The following TDP2 variants were observed in gnomAD, a reference collection of about 807,000 sequenced individuals.
The protein encoded by TDP2 is 5'-Tyr-DNA phosphodiesterase.
A neutral mutation model predicts 42.8 loss-of-function variants in TDP2; 38 were observed. That is an observed-to-expected ratio of 0.89 (90% CI 0.68 to 1.16). TDP2 has a LOEUF of 1.16. Among genes scored for constraint, TDP2 ranks in the 50% most tolerant of loss-of-function variants. The probability of loss-of-function intolerance (pLI) is 0.00; values close to 1 mark genes in which losing one functional copy is unlikely to be tolerated. For missense variants in TDP2, 439 were observed against 439.3 expected, an observed-to-expected ratio of 1.00 and a Z score of 0.01; for synonymous variants, 173 against 150.6, an observed-to-expected ratio of 1.15 and a Z score of -1.09.
chr6:24,658,941 T>C (rs765795941), intron 2 of TDP2: 51 of 567,226 alleles, frequency 9.0e-5, no homozygotes, highest in Non-Finnish European at 1.3e-4. Flanking sequence ...GGCCCACTTC[T>C]TTGTACGGAA....
intron 2 of TDP2, 91 bp downstream of exon 2, chr6:24,666,435 C>A (rs980346353): frequency 2.0e-6 from 3 of 1,484,206 alleles, no homozygotes; most frequent in East Asian, 2.3e-5. Flanking sequence ...GCATCGTCCG[C>A]CCAGCTCCAC....
intron 2 of TDP2, among the ~76,000 whole-genome samples, chr6:24,665,818 G>C (rs893102778): frequency 2.0e-5 from 3 of 152,164 alleles, no homozygotes; most frequent in African/African-American, 7.2e-5. Context: ...GCTTCCTAGA[G>C]ATAAATCATG....
intron 2 of TDP2, among the ~76,000 whole-genome samples, chr6:24,663,241 T>C (rs1778182848): frequency 6.6e-6 from 1 of 152,064 alleles, no homozygotes; most frequent in Non-Finnish European, 1.5e-5. Context: ...GAGGAAGGGG[T>C]TGCACAGATA....
intron 2 of TDP2, among the ~76,000 whole-genome samples, chr6:24,663,087 A>G (rs938720333): frequency 6.6e-6 from 1 of 152,284 alleles, no homozygotes; most frequent in Admixed American, 6.5e-5. Context: ...TACTTTCCTC[A>G]ACAGGTGGAC....
chr6:24,659,758 G>T (rs1778112666), intron 2 of TDP2, among the ~76,000 whole-genome samples: 1 of 152,092 alleles, frequency 6.6e-6, no homozygotes, highest in Non-Finnish European at 1.5e-5. Flanking sequence ...CCTCCCCTTT[G>T]AATCCAGACC....
intron 3 of TDP2, 118 bp downstream of exon 3, chr6:24,658,443 T>A: frequency 1.3e-6 from 1 of 743,366 alleles, no homozygotes; most frequent in Admixed American, 3.7e-5. Context: ...ATTCTTCAGA[T>A]GTTTCTTCTC....
rs1777999369 is a variant in TDP2, at chr6:24,653,076, C to A, written c.714G>T (p.Met238Ile). 6.2e-7 allele frequency: 1 copy of A among 1,614,014 alleles called. No individual in the cohort carries two copies. The highest frequency in any genetic ancestry group is 1.1e-5 in the South Asian group (1 of 91,084). Reference sequence around the variant, plus strand: ...TCTTTAAAACCATTTTTAACTGATTCATTCGTTCCGCAGCATGCCCTCTGG... The same window carrying A: ...TCTTTAAAACCATTTTTAACTGATTAATTCGTTCCGCAGCATGCCCTCTGG... ...ESTRGHAAER[M>I]NQLKMVLKKM... Residue 238 changes from methionine to isoleucine, a missense_variant, in exon 6 of 7, where the codon ATG becomes ATT. By Grantham distance (10) the Met-to-Ile change is conservative. Transcript: ENST00000378198.
chr6:24,665,604 T>C (rs1185060624), intron 2 of TDP2, among the ~76,000 whole-genome samples: 1 of 152,222 alleles, frequency 6.6e-6, no homozygotes, highest in African/African-American at 2.4e-5. Flanking sequence ...TGGGAGCTTA[T>C]TATGTGTCAA....
At chr6:24,659,425 G>A (rs1006996791) in intron 2 of TDP2, among the ~76,000 whole-genome samples, 2 of 152,198 alleles carry the variant, frequency 1.3e-5, no homozygotes, top group African/African-American at 4.8e-5. Context: ...TGTGTCATGG[G>A]TGCGTCCTTA....
At chr6:24,653,296 G>C (rs926430493) in intron 5 of TDP2, 143 bp from the exon 6 acceptor site, 5 of 874,546 alleles carry the variant, frequency 5.7e-6, no homozygotes, top group African/African-American at 3.4e-5. Flanking sequence ...TATCCCTCCG[G>C]ATCAAAAGAA....
At chr6:24,659,599 T>C (rs912878797) in intron 2 of TDP2, among the ~76,000 whole-genome samples, 2 of 152,228 alleles carry the variant, frequency 1.3e-5, no homozygotes, top group African/African-American at 2.4e-5. Flanking sequence ...TTGTATAAAC[T>C]ATGATCCCAA....
intron 2 of TDP2, chr6:24,666,095 A>T (rs1295699903): frequency 6.5e-7 from 1 of 1,542,454 alleles, no homozygotes; most frequent in Admixed American, 2.0e-5. Context: ...TGTGCATTAA[A>T]AAAAAATAAC....
At chr6:24,658,065 T>C (rs1025975833) in intron 3 of TDP2, among the ~76,000 whole-genome samples, 162 bp from the exon 4 acceptor site, 1 of 152,232 alleles carries the variant, frequency 6.6e-6, no homozygotes, top group Non-Finnish European at 1.5e-5. Context: ...ATGAGAAAGA[T>C]GTGTGCTATT....
chr6:24,665,910 C>A, intron 2 of TDP2: 1 of 527,602 alleles, frequency 1.9e-6, no homozygotes, highest in Non-Finnish European at 3.0e-6. Flanking sequence ...AAGATCTTTA[C>A]GAAGTTTCAA....
At chr6:24,651,371 G>A (rs1332159701) in intron 6 of TDP2, among the ~76,000 whole-genome samples, 2 of 152,218 alleles carry the variant, frequency 1.3e-5, no homozygotes, top group South Asian at 2.1e-4. Flanking sequence ...GCTGTTATCT[G>A]TTTTCAAAAA....
In TDP2 at chr6:24,665,126, C is replaced by T. The variant is rs78311464; in HGVS notation, c.251+1400G>A. Among the ~76,000 whole-genome samples, 468 of 152,304 alleles carry T rather than the reference C, an allele frequency of 3.1e-3. 2 individuals are homozygous for T. The highest frequency in any genetic ancestry group is 0.01 in the African/African-American group (420 of 41,562). On this transcript the variant is annotated intron_variant, in intron 2 of 6. Coordinates refer to ENST00000378198, the MANE Select transcript of TDP2 (RefSeq NM_016614.3). The stretch of plus-strand genomic sequence containing the variant: ...ATGTTTAAGGAAGGGCAGTTAAGGG[C>T]TTTCTCTCAATCCTACACTTCAACT...
chr6:24,660,953 A>G (rs952768462), intron 2 of TDP2, among the ~76,000 whole-genome samples: 1 of 152,202 alleles, frequency 6.6e-6, no homozygotes, highest in African/African-American at 2.4e-5. Context: ...GCAATGCACC[A>G]TATCAAGCAT....
chr6:24,662,478 C>A (rs1049464852), intron 2 of TDP2, among the ~76,000 whole-genome samples: 2 of 152,128 alleles, frequency 1.3e-5, no homozygotes, highest in African/African-American at 2.4e-5. Context: ...ACCTGGCCTA[C>A]GTGCATATCC....
Position 24,658,946 on chromosome 6 carries a change from A to G in TDP2, c.252-212T>C. Reference sequence around the variant, plus strand: ...GCTGCACTTTGGCCCACTTCTTTGTACGGAAAGTCATCCCATAGCCCTATA... The same window carrying G: ...GCTGCACTTTGGCCCACTTCTTTGTGCGGAAAGTCATCCCATAGCCCTATA... On this transcript the variant is annotated intron_variant, in intron 2 of 6. Coordinates refer to ENST00000378198, the MANE Select transcript of TDP2 (RefSeq NM_016614.3). 5.6e-6 allele frequency: 3 copies of G among 535,440 alleles called. No individual in the cohort carries two copies. In the South Asian group the frequency reaches 7.1e-5, roughly 13 times the overall value. The allele number at this position is 535,440 out of a possible 1,614,324, so 33.2% of individuals were successfully genotyped here.
Sources: gnomAD v4.1 joint callset for allele counts (sites outside exome capture counted in the v4.1 genomes callset) on GRCh38, gnomAD v4.1.1 for gene constraint, MANE v1.5 for transcripts, NCBI Gene and HGNC (gene_info 2026-07-23, HGNC 2026-07-21) for gene names.